Variants in KCNK2 observed in about 807,000 individuals in gnomAD.
The protein encoded by KCNK2 is potassium channel subfamily K member 2.
A neutral mutation model predicts 40.5 loss-of-function variants in KCNK2; 21 were observed. That is an observed-to-expected ratio of 0.52 (90% CI 0.37 to 0.75). KCNK2 has a LOEUF of 0.75. Ranked by LOEUF, KCNK2 falls within the 30% of genes least tolerant of loss-of-function variation. The pLI is 0.00. For synonymous variants in KCNK2, 191 were observed against 202.2 expected, an observed-to-expected ratio of 0.94 and a Z score of 0.47; for missense variants, 399 against 531.6, an observed-to-expected ratio of 0.75 and a Z score of 2.45.
chr1:215,158,770 C>A (rs1310012999), intron 3 of KCNK2, among the ~76,000 whole-genome samples: 1 of 152,094 alleles, frequency 6.6e-6, no homozygotes, highest in African/African-American at 2.4e-5. Context: ...ACTCAGACGC[C>A]TGCCCTACCC....
At chr1:215,198,331 T>C (rs1339671817) in intron 6 of KCNK2, among the ~76,000 whole-genome samples, 1 of 152,134 alleles carries the variant, frequency 6.6e-6, no homozygotes, top group Non-Finnish European at 1.5e-5. Context: ...GAGCTTTCAA[T>C]TGGAGTAGAT....
At chr1:215,206,842 T>C (rs1665332336) in intron 6 of KCNK2, among the ~76,000 whole-genome samples, 1 of 152,204 alleles carries the variant, frequency 6.6e-6, no homozygotes, top group Non-Finnish European at 1.5e-5. Flanking sequence ...AAACAGATTA[T>C]AACTTTATAG....
chr1:215,050,121 C>T (rs2102498853), intron 1 of KCNK2, among the ~76,000 whole-genome samples: 1 of 152,140 alleles, frequency 6.6e-6, no homozygotes, highest in South Asian at 2.1e-4. Flanking sequence ...TATGTTGAGT[C>T]TTCTAACCCA....
At chr1:215,084,092 C>A (rs1218977416) in intron 1 of KCNK2, among the ~76,000 whole-genome samples, 1 of 151,640 alleles carries the variant, frequency 6.6e-6, no homozygotes. Flanking sequence ...TTCTGTCTGC[C>A]AAATGTACAT....
In KCNK2 at chr1:215,207,924, T is replaced by C. The variant is rs148089700; in HGVS notation, c.963+12832T>C. On this transcript the variant is annotated intron_variant, in intron 6 of 6. Coordinates refer to ENST00000444842, the MANE Select transcript of KCNK2 (RefSeq NM_001017425.3). ...GAACACTTACACACCGTTGGTTGGA[T>C]TGTAAATTTGTTTAATCATTGTGGA... Among the ~76,000 whole-genome samples the C allele has an allele frequency of 3.9e-3, 592 of 152,278 alleles. 3 individuals carry two copies. Among genetic ancestry groups the C allele is most frequent in the African/African-American group, 0.013 (540 of 41,558 alleles).
At chr1:215,096,724 T>C (rs941778177) in intron 2 of KCNK2, among the ~76,000 whole-genome samples, 1 of 151,948 alleles carries the variant, frequency 6.6e-6, no homozygotes, top group African/African-American at 2.4e-5. Context: ...GACAAACTGA[T>C]ACAACACATT....
At chr1:215,209,348 TATTA>T (rs1321471026) in intron 6 of KCNK2, among the ~76,000 whole-genome samples, 4 of 91,202 alleles carry the variant, frequency 4.4e-5, no homozygotes, top group Non-Finnish European at 5.9e-5. Flanking sequence ...ATAATATATA[TATTA>T]TATATAATAT....
chr1:215,235,233 G>A lies in KCNK2; in HGVS notation c.*88G>A. ...TGTTGCTGGTAGCATTTTTTAAATT[G>A]TGCATGAGCTCAAAGGGGGAACAAA... On this transcript the variant is annotated 3_prime_UTR_variant, in exon 7 of 7. Transcript: ENST00000444842. 8.9e-7 allele frequency: 1 copy of A among 1,123,558 alleles called. No individual in the cohort carries two copies. The highest frequency in any genetic ancestry group is 1.3e-6 in the Non-Finnish European group (1 of 786,142). 69.6% of individuals were successfully genotyped at this position (1,123,558 alleles called of 1,614,324 possible). A position where few individuals can be genotyped will look rare whatever the true frequency, so the allele number is the denominator to read the frequency against.
chr1:215,139,829 T>C (rs1340301958), intron 3 of KCNK2, among the ~76,000 whole-genome samples: 2 of 152,312 alleles, frequency 1.3e-5, no homozygotes, highest in Middle Eastern at 3.4e-3. Context: ...AGGTGACTTG[T>C]TATCAAAGTA....
intron 1 of KCNK2, among the ~76,000 whole-genome samples, chr1:215,017,361 T>C (rs1656628855): frequency 6.6e-6 from 1 of 152,108 alleles, no homozygotes; most frequent in Non-Finnish European, 1.5e-5. Context: ...AGCAGATGAA[T>C]TGGTAAAGAA....
intron 1 of KCNK2, among the ~76,000 whole-genome samples, chr1:215,020,053 A>G (rs963715319): frequency 3.0e-4 from 45 of 152,316 alleles, no homozygotes; most frequent in African/African-American, 1.1e-3. Flanking sequence ...AGTTCATAGC[A>G]TTAATTATCC....
intron 1 of KCNK2, among the ~76,000 whole-genome samples, chr1:215,040,828 A>G (rs1219162964): frequency 6.6e-6 from 1 of 152,180 alleles, no homozygotes; most frequent in Non-Finnish European, 1.5e-5. Context: ...ACTGAGATTC[A>G]AATCCAACAT....
intron 6 of KCNK2, among the ~76,000 whole-genome samples, chr1:215,212,575 A>G (rs1251355381): frequency 6.6e-6 from 1 of 152,198 alleles, no homozygotes. Flanking sequence ...TGTTCTTAAC[A>G]TGAAATTAAT....
At chr1:215,192,737 T>TA (rs1335437762) in intron 5 of KCNK2, among the ~76,000 whole-genome samples, 4 of 152,214 alleles carry the variant, frequency 2.6e-5, no homozygotes, top group Non-Finnish European at 4.4e-5. Context: ...GGCCAACTCT[T>TA]AACCATCACG....
At chr1:215,134,951 G>A (rs1413967736) in intron 3 of KCNK2, among the ~76,000 whole-genome samples, 6 of 151,758 alleles carry the variant, frequency 4.0e-5, no homozygotes, top group Non-Finnish European at 1.5e-5. Flanking sequence ...TATGAAATAA[G>A]TCATATTCAG....
intron 2 of KCNK2, among the ~76,000 whole-genome samples, chr1:215,115,050 C>T (rs958143923): frequency 6.6e-6 from 1 of 151,040 alleles, no homozygotes; most frequent in African/African-American, 2.4e-5. Context: ...GATTTTCAAT[C>T]ATCACTATGA....
intron 5 of KCNK2, among the ~76,000 whole-genome samples, chr1:215,191,587 T>C (rs1397398114): frequency 6.6e-6 from 1 of 152,140 alleles, no homozygotes; most frequent in Non-Finnish European, 1.5e-5. Flanking sequence ...GATTACACCA[T>C]CTAAAAGAAG....
intron 5 of KCNK2, among the ~76,000 whole-genome samples, chr1:215,192,807 TATA>T (rs943052114): frequency 6.6e-6 from 1 of 152,166 alleles, no homozygotes; most frequent in Non-Finnish European, 1.5e-5. Context: ...GTAAAAATTT[TATA>T]ATATTTGAAA....
At chr1:215,223,257 A>T (rs962284062) in intron 6 of KCNK2, among the ~76,000 whole-genome samples, 4 of 151,372 alleles carry the variant, frequency 2.6e-5, no homozygotes, top group Non-Finnish European at 5.9e-5. Context: ...AAAAAAAAAA[A>T]AAAAAGTCAA....
Sources: allele counts gnomAD v4.1 joint callset (sites outside exome capture counted in the v4.1 genomes callset), GRCh38; gene constraint gnomAD v4.1.1; transcripts MANE v1.5; gene names NCBI Gene and HGNC (gene_info 2026-07-23, HGNC 2026-07-21).